HNRNPAB: variants seen among roughly 807,000 people sequenced by gnomAD.
The protein encoded by HNRNPAB is ABBP-1.
In HNRNPAB, 17 loss-of-function variants were observed where a neutral mutation model predicts 44.1. That is an observed-to-expected ratio of 0.39 (90% CI 0.26 to 0.58). The LOEUF is 0.58. HNRNPAB is among the 20% of genes least tolerant of loss of function. The pLI is 0.63. For missense variants in HNRNPAB, 393 were observed against 432.7 expected (o/e 0.91, Z 0.81); for synonymous variants, 183 against 167.6 (o/e 1.09, Z -0.71).
intron 7 of HNRNPAB, 59 bp downstream of exon 7, chr5:178,210,331 C>T: frequency 1.2e-6 from 2 of 1,610,612 alleles, no homozygotes; most frequent in Non-Finnish European, 8.5e-7. Context: ...GGAGGCAGGA[C>T]AGTGTAGGAG....
At position 178,210,151 on chromosome 5, in the gene HNRNPAB, TCAGGGCTACG is replaced by T; in HGVS notation, c.808_817del (p.Gln270AlafsTer69). 1 of 1,614,100 alleles carries T rather than the reference TCAGGGCTACG, an allele frequency of 6.2e-7. No homozygotes were observed. Among genetic ancestry groups the T allele is most frequent in the Non-Finnish European group, 8.5e-7 (1 of 1,179,956 alleles). ...CCACAGGTCAGAGTCAGAGTTGGAA[TCAGGGCTACG>T]GCAACTACTGGAACCAGGGCTACGG... On this transcript the variant is annotated frameshift_variant, in exon 7 of 8. Coordinates refer to ENST00000358344, the MANE Select transcript of HNRNPAB (RefSeq NM_031266.3). LOFTEE classifies it high-confidence loss of function.
At position 178,207,242 on chromosome 5, in the gene HNRNPAB, T is replaced by C. The variant is rs751316749; in HGVS notation, c.669+17T>C. ...GGAAGCAAGGTAAGGTGTTCCCAGC[T>C]CTGCTTGGCCTCCTGTGCTGCTGGA... On this transcript the variant is annotated intron_variant, in intron 5 of 7. Coordinates refer to ENST00000358344, the MANE Select transcript of HNRNPAB (RefSeq NM_031266.3). 7 of 1,613,462 alleles carry C rather than the reference T, an allele frequency of 4.3e-6. No homozygotes were observed. Among genetic ancestry groups the C allele is most frequent in the Non-Finnish European group, 5.1e-6 (6 of 1,179,770 alleles).
chr5:178,205,907 A>T lies in HNRNPAB; in HGVS notation c.275A>T (p.Lys92Ile). 6.2e-7 allele frequency: 1 copy of T among 1,614,124 alleles called. No individual in the cohort carries two copies. Among genetic ancestry groups the T allele is most frequent in the Non-Finnish European group, 8.5e-7 (1 of 1,179,984 alleles). Reference protein sequence around the residue: ...SKKDLKDYFTKFGEVVDCTIK... With the variant: ...SKKDLKDYFTIFGEVVDCTIK... ...AAAGATTTAAAAGACTATTTTACTA[A>T]ATTTGGAGAGGTCGTTGACTGTACA... Residue 92 changes from lysine to isoleucine, a missense_variant, in exon 3 of 8, where the codon AAA becomes ATA. Around this residue, in one of 3 missense-constraint regions of HNRNPAB, gnomAD observed 102 missense variants for 162.3 expected, o/e 0.63. Coordinates refer to ENST00000358344, the MANE Select transcript of HNRNPAB (RefSeq NM_031266.3).
chr5:178,209,528 GT>G, intron 6 of HNRNPAB, 81 bp downstream of exon 6: 2 of 1,215,722 alleles, frequency 1.6e-6, no homozygotes, highest in Non-Finnish European at 2.4e-6. Context: ...GCTCCCTCTG[GT>G]GCTGTGCAGC....
In HNRNPAB at chr5:178,210,220, C is replaced by T. The variant is rs1318984642; in HGVS notation, c.876C>T (p.Gly292=). ...AGGGCTACGGGCCTGGCTATGGCGG[C>T]TACGACTACTCGCCCTATGGCTATT... ...YQQGYGPGYG[G]YDYSPYGYYG... The change falls in exon 7 of 8, where the codon GGC becomes GGT. Residue 292 remains glycine (G), a synonymous_variant. Transcript: ENST00000358344. 1 of 1,613,152 alleles carries T rather than the reference C, an allele frequency of 6.2e-7. No homozygotes were observed. Among genetic ancestry groups the T allele is most frequent in the African/African-American group, 1.3e-5 (1 of 75,042 alleles).
chr5:178,206,409 A>G (rs115179584), intron 3 of HNRNPAB, among the ~76,000 whole-genome samples: 279 of 152,322 alleles, frequency 1.8e-3, no homozygotes, highest in African/African-American at 6.3e-3. Context: ...GAGTGGAGGG[A>G]GGATTCCTTC....
rs1561660716 is a variant in HNRNPAB at position 178,205,952 on chromosome 5, C to CT, written c.321dup (p.Gly108TrpfsTer34). On this transcript the variant is annotated frameshift_variant, in exon 3 of 8. Coordinates refer to ENST00000358344, the MANE Select transcript of HNRNPAB (RefSeq NM_031266.3). LOFTEE classifies it high-confidence loss of function. ...TGTACAATAAAAATGGATCCCAACA[C>CT]TGGACGGTCAAGAGGGTTTGGGTTT... The CT allele has an allele frequency of 6.2e-7, 1 of 1,614,178 alleles. No homozygotes were observed. Among genetic ancestry groups the CT allele is most frequent in the Non-Finnish European group, 8.5e-7 (1 of 1,180,004 alleles).
chr5:178,207,349 G>A (rs982358549), intron 5 of HNRNPAB, 124 bp downstream of exon 5: 5 of 1,139,576 alleles, frequency 4.4e-6, no homozygotes, highest in African/African-American at 1.5e-5. Flanking sequence ...CTATTTCTCT[G>A]AAGCGTATGC....
chr5:178,204,975 GC>G lies in HNRNPAB; in HGVS notation c.143del (p.Pro48ArgfsTer30). 8.3e-7 allele frequency: 1 copy of G among 1,209,366 alleles called. No individual in the cohort carries two copies. Among genetic ancestry groups the G allele is most frequent in the Non-Finnish European group, 1.0e-6 (1 of 973,534 alleles). 74.9% of individuals were successfully genotyped at this position (1,209,366 alleles called of 1,614,324 possible). The part of the protein sequence containing the change: ...AAGAGGATAA[P>X]PSGNQNGAEG... ...CGGGGGCTGGAGGCGCGACCGCGGCGCCCCCGAGCGGGAATCAGAACGGCGC... is the reference window on the plus strand; with the variant it reads ...CGGGGGCTGGAGGCGCGACCGCGGCGCCCCGAGCGGGAATCAGAACGGCGC... On this transcript the variant is annotated frameshift_variant, in exon 2 of 8. Coordinates refer to ENST00000358344, the MANE Select transcript of HNRNPAB (RefSeq NM_031266.3). LOFTEE classifies it high-confidence loss of function.
In HNRNPAB at chr5:178,210,663, TG is replaced by T; in HGVS notation, c.*41del. ...CGACCAACTGATCGCACACATGCTT[TG>T]TTTGGATATGGAGTGAACACAATTA... On this transcript the variant is annotated 3_prime_UTR_variant, in exon 8 of 8. Coordinates refer to ENST00000358344, the MANE Select transcript of HNRNPAB (RefSeq NM_031266.3). 1 of 1,485,316 alleles carries T rather than the reference TG, an allele frequency of 6.7e-7. No individual in the cohort carries two copies. The highest frequency in any genetic ancestry group is 2.3e-5 in the East Asian group (1 of 44,286). The allele number at this position is 1,485,316 out of a possible 1,614,324, so 92.0% of individuals were successfully genotyped here.
intron 5 of HNRNPAB, among the ~76,000 whole-genome samples, chr5:178,207,477 G>C (rs921434422): frequency 1.3e-5 from 2 of 152,308 alleles, no homozygotes; most frequent in African/African-American, 4.8e-5. Flanking sequence ...AATAGAGCAG[G>C]TTGAGTAGCC....
At chr5:178,209,209 A>AT in intron 5 of HNRNPAB, 121 bp from the exon 6 acceptor site, 1 of 830,988 alleles carries the variant, frequency 1.2e-6, no homozygotes, top group Non-Finnish European at 2.0e-6. Context: ...ATACTAGCAT[A>AT]TTTTGTTTCT....
chr5:178,206,155 G>A (rs1304928784), intron 3 of HNRNPAB, 145 bp downstream of exon 3: 2 of 707,530 alleles, frequency 2.8e-6, no homozygotes, highest in African/African-American at 1.8e-5. Flanking sequence ...GTTATGTTCC[G>A]GTTTTTGAGG....
chr5:178,205,275 TGCCAGGGCCAGG>T (rs533406836), intron 2 of HNRNPAB, among the ~76,000 whole-genome samples: 4 of 150,994 alleles, frequency 2.6e-5, no homozygotes, highest in African/African-American at 9.7e-5. Context: ...GCTCGCGCGC[TGCCAGGGCCAGG>T]GCCAGGGCCG....
rs1408954335 is a variant in HNRNPAB, at chr5:178,210,782, A to G, written c.*159A>G. 3 of 659,062 alleles carry G rather than the reference A, an allele frequency of 4.6e-6. No individual in the cohort carries two copies. The highest frequency in any genetic ancestry group is 2.2e-5 in the Admixed American group (1 of 45,718). The allele number at this position is 659,062 out of a possible 1,614,324, so 40.8% of individuals were successfully genotyped here. A position where few individuals can be genotyped will look rare whatever the true frequency, so the allele number is the denominator to read the frequency against. ...CATGGAAATCACTCTCCTGTTGACT[A>G]TTTCCAGAGCTCTAGGTGTTTAGGC... On this transcript the variant is annotated 3_prime_UTR_variant, in exon 8 of 8. Coordinates refer to ENST00000358344, the MANE Select transcript of HNRNPAB (RefSeq NM_031266.3).
chr5:178,204,946 G>C lies in HNRNPAB; in HGVS notation c.109G>C (p.Ala37Pro). ...GCCGGCCGGGGCTGGCACGGGCGCC[G>C]CGGCGGGGGCTGGAGGCGCGACCGC... ...ESPAGAGTGA[A>P]AGAGGATAAP... Residue 37 changes from alanine (A) to proline (P), a missense_variant, in exon 2 of 8, where the codon GCG becomes CCG. By Grantham distance (27) the Ala-to-Pro change is conservative. This residue lies in a region of HNRNPAB where 81 missense variants were observed against 73.4 expected (regional missense o/e 1.10). Transcript: ENST00000358344. 8.3e-7 allele frequency: 1 copy of C among 1,210,306 alleles called. No individual in the cohort carries two copies. Among genetic ancestry groups the C allele is most frequent in the Non-Finnish European group, 1.0e-6 (1 of 974,132 alleles). 75.0% of individuals were successfully genotyped at this position (1,210,306 alleles called of 1,614,324 possible). A position where few individuals can be genotyped will look rare whatever the true frequency, so the allele number is the denominator to read the frequency against.
rs148139408 is a variant in HNRNPAB, at chr5:178,210,410, C to T, written c.928+138C>T. The T allele has an allele frequency of 7.0e-4, 1,082 of 1,547,312 alleles. 3 individuals are homozygous for T. The African/African-American group carries it at 0.012, about 17-fold the overall frequency. On this transcript the variant is annotated intron_variant, in intron 7 of 7. Transcript: ENST00000358344. ...CCATGGGAGCTACTTGATTTTGAGC[C>T]TTAGACTTCGGGGTCTTAATAACAT...
intron 3 of HNRNPAB, among the ~76,000 whole-genome samples, chr5:178,206,450 A>C (rs1167035844): frequency 6.6e-6 from 1 of 152,148 alleles, no homozygotes; most frequent in African/African-American, 2.4e-5. Flanking sequence ...CTATGCTCCG[A>C]GTCCCTGCTG....
intron 2 of HNRNPAB, 113 bp downstream of exon 2, chr5:178,205,159 G>A (rs1378871036): frequency 2.7e-6 from 2 of 743,680 alleles, no homozygotes; most frequent in Non-Finnish European, 3.6e-6. Context: ...GGGCTGGTGC[G>A]GCCCGCGGAC....
Sources: gnomAD v4.1 joint callset for allele counts (sites outside exome capture counted in the v4.1 genomes callset) on GRCh38, gnomAD v4.1.1 for gene constraint, gnomAD v4.1.1 regional missense constraint, MANE v1.5 for transcripts, NCBI Gene and HGNC (gene_info 2026-07-23, HGNC 2026-07-21) for gene names.